Variants in INTS3 observed in about 807,000 individuals in gnomAD.
The protein encoded by INTS3 is SOSS complex subunit A.
A neutral mutation model predicts 146.3 loss-of-function variants in INTS3; 34 were observed. The observed-to-expected ratio is 0.23, with a 90% CI of 0.18 to 0.31. The LOEUF (loss-of-function observed/expected upper bound fraction) is 0.31. INTS3 is among the 10% of genes least tolerant of loss of function. The pLI, the probability that INTS3 is intolerant of heterozygous loss-of-function variation, is 1.00. For synonymous variants in INTS3, 475 were observed against 494.9 expected, an observed-to-expected ratio of 0.96 and a Z score of 0.53; for missense variants, 757 against 1,304.2, an observed-to-expected ratio of 0.58 and a Z score of 6.46.
chr1:153,731,325 A>G (rs541724726), intron 1 of INTS3, among the ~76,000 whole-genome samples: 16 of 152,150 alleles, frequency 1.1e-4, no homozygotes, highest in African/African-American at 3.4e-4. Flanking sequence ...TCTTAACTCT[A>G]CTACCCTAGG....
intron 3 of INTS3, 48 bp downstream of exon 3, chr1:153,741,416 G>A: frequency 7.5e-7 from 1 of 1,330,810 alleles, no homozygotes; most frequent in Non-Finnish European, 1.1e-6. Flanking sequence ...TATATGATCT[G>A]GGATATGGTG....
chr1:153,761,472 T>C, intron 13 of INTS3, 98 bp from the exon 14 acceptor site: 1 of 829,960 alleles, frequency 1.2e-6, no homozygotes, highest in Admixed American at 2.3e-5. Context: ...ATTGTGCCAC[T>C]GCACTCCAGC....
chr1:153,755,768 G>T (rs995762939), intron 9 of INTS3, among the ~76,000 whole-genome samples: 2 of 152,316 alleles, frequency 1.3e-5, no homozygotes, highest in South Asian at 4.1e-4. Context: ...GCCGGACGCA[G>T]TGGCTTATGC....
intron 13 of INTS3, 125 bp downstream of exon 13, chr1:153,761,043 T>C (rs1672364696): frequency 6.7e-7 from 1 of 1,495,666 alleles, no homozygotes; most frequent in Non-Finnish European, 8.9e-7. Context: ...TGGCTCTACC[T>C]CAGACTGCTG....
At chr1:153,749,290 AT>A (rs980059290) in intron 6 of INTS3, among the ~76,000 whole-genome samples, 4 of 152,158 alleles carry the variant, frequency 2.6e-5, no homozygotes, top group African/African-American at 9.7e-5. Flanking sequence ...TTTCTGGCTG[AT>A]TCTTTCCCTT....
At chr1:153,752,157 G>C (rs1431655600) in intron 7 of INTS3, 122 bp from the exon 8 acceptor site, 2 of 995,952 alleles carry the variant, frequency 2.0e-6, no homozygotes, top group African/African-American at 3.3e-5. Flanking sequence ...AGAAATCATA[G>C]TTTCTTCAAC....
At chr1:153,759,376 C>T in intron 10 of INTS3, 150 bp from the exon 11 acceptor site, 1 of 694,542 alleles carries the variant, frequency 1.4e-6, no homozygotes, top group South Asian at 1.6e-5. Context: ...ATACACAACA[C>T]AAGGGGGGTT....
At chr1:153,765,197 G>GT in intron 20 of INTS3, 134 bp downstream of exon 20, 1 of 923,308 alleles carries the variant, frequency 1.1e-6, no homozygotes. Flanking sequence ...GAGTTGGTTT[G>GT]TTTTTAAGAG....
rs1053542287 is a variant in INTS3, at chr1:153,735,773, A to G, written c.151-4878A>G. 2.6e-5 allele frequency among the ~76,000 whole-genome samples: 4 copies of G among 152,278 alleles called. No individual in the cohort carries two copies. The East Asian group carries it at 7.7e-4, about 29-fold the overall frequency. ...GGCCTTGCTTTGTCACCCAGGCTGG[A>G]GTACAGTGGTGCAATCACGGTTTAT... On this transcript the variant is annotated intron_variant, in intron 1 of 29. Coordinates refer to ENST00000318967, the MANE Select transcript of INTS3 (RefSeq NM_023015.5).
At chr1:153,747,171 T>C in intron 4 of INTS3, 101 bp downstream of exon 4, 1 of 1,256,414 alleles carries the variant, frequency 8.0e-7, no homozygotes, top group South Asian at 1.2e-5. Context: ...CACACCCCTA[T>C]CATTGTGTGT....
intron 1 of INTS3, 137 bp downstream of exon 1, chr1:153,728,921 T>G: frequency 1.7e-6 from 1 of 593,150 alleles, no homozygotes; most frequent in Non-Finnish European, 2.9e-6. Flanking sequence ...CAAACACTGC[T>G]CCAGCTTCCT....
chr1:153,755,593 C>T (rs1025514168), intron 9 of INTS3, among the ~76,000 whole-genome samples: 2 of 152,182 alleles, frequency 1.3e-5, no homozygotes, highest in African/African-American at 4.8e-5. Flanking sequence ...CCAGGCCATT[C>T]CTCTGCGGCC....
In INTS3 at chr1:153,772,194, C is replaced by G. The variant is rs1225477430; in HGVS notation, c.2721-146C>G. ...GATCCCCTGTTCTAGGCACACCTTTCTCACCCAACCCCAGCCCTCCCAGGC... is the reference window on the plus strand; with the variant it reads ...GATCCCCTGTTCTAGGCACACCTTTGTCACCCAACCCCAGCCCTCCCAGGC... On this transcript the variant is annotated intron_variant, in intron 26 of 29. Coordinates refer to ENST00000318967, the MANE Select transcript of INTS3 (RefSeq NM_023015.5). The surrounding 1 kb of genome is among the most constrained non-coding windows in gnomAD (Gnocchi z 4.6). The G allele has an allele frequency of 7.9e-6, 8 of 1,009,022 alleles. No homozygotes were observed. The highest frequency in any genetic ancestry group is 1.6e-5 in the African/African-American group (1 of 61,668). 62.5% of individuals were successfully genotyped at this position (1,009,022 alleles called of 1,614,324 possible).
chr1:153,739,267 A>T (rs907455411), intron 1 of INTS3, among the ~76,000 whole-genome samples: 1 of 151,544 alleles, frequency 6.6e-6, no homozygotes, highest in Non-Finnish European at 1.5e-5. Context: ...TTTTTTCACC[A>T]TGTTGGCTAG....
chr1:153,746,073 TA>T (rs1671723793), intron 3 of INTS3, among the ~76,000 whole-genome samples: 1 of 152,114 alleles, frequency 6.6e-6, no homozygotes, highest in Non-Finnish European at 1.5e-5. Context: ...ACCCCAAGTA[TA>T]AAAAAACTAA....
chr1:153,769,343 T>A (rs1161577121), intron 22 of INTS3, among the ~76,000 whole-genome samples: 4 of 152,158 alleles, frequency 2.6e-5, no homozygotes, highest in Non-Finnish European at 5.9e-5. Context: ...AGGCTGTAGC[T>A]TTGCTCGGGT....
rs1261837132 is a variant in INTS3 at position 153,772,604 on chromosome 1, T to G, written c.2822-35T>G. The stretch of plus-strand genomic sequence containing the variant: ...TAATAAGCTCCCAGACATCTGATTG[T>G]TTTTCCTTCCCTGCTCTCCCTTTTC... On this transcript the variant is annotated intron_variant, in intron 27 of 29. Coordinates refer to ENST00000318967, the MANE Select transcript of INTS3 (RefSeq NM_023015.5). This position sits in a 1 kb window ranked among gnomAD's most constrained non-coding sequence, Gnocchi z 4.6. The G allele has an allele frequency of 6.2e-7, 1 of 1,614,022 alleles. No individual in the cohort carries two copies.
intron 3 of INTS3, among the ~76,000 whole-genome samples, chr1:153,746,613 G>T (rs1264978520): frequency 6.6e-6 from 1 of 152,078 alleles, no homozygotes; most frequent in African/African-American, 2.4e-5. Context: ...GTGTTAGCCA[G>T]GATGGTCTCG....
chr1:153,745,316 G>A (rs940626080), intron 3 of INTS3, among the ~76,000 whole-genome samples: 2 of 151,694 alleles, frequency 1.3e-5, no homozygotes, highest in Admixed American at 6.6e-5. Context: ...GCCACCACAC[G>A]TAGCTAATTT....
Sources: allele counts gnomAD v4.1 joint callset (sites outside exome capture counted in the v4.1 genomes callset), GRCh38; gene constraint gnomAD v4.1.1; non-coding constraint Gnocchi (gnomAD v3.1); transcripts MANE v1.5; gene names NCBI Gene and HGNC (gene_info 2026-07-23, HGNC 2026-07-21).